GRIK2: variants seen among roughly 807,000 people sequenced by gnomAD.
GRIK2 encodes the protein glutamate ionotropic receptor kainate type subunit 2.
Under a neutral mutation model 100.3 loss-of-function variants are expected in GRIK2, and 32 were observed. The ratio of observed to expected loss-of-function variants is 0.32; its 90% CI spans 0.24 to 0.43. The LOEUF is 0.43. Among genes scored for constraint, GRIK2 ranks in the 20% least tolerant of loss-of-function variants. GRIK2 has a pLI of 1.00. For missense variants in GRIK2, 843 were observed against 1,114.9 expected, an observed-to-expected ratio of 0.76 and a Z score of 3.47; for synonymous variants, 417 against 389.4, an observed-to-expected ratio of 1.07 and a Z score of -0.83.
chr6:101,689,109 G>T (rs1048278662), intron 7 of GRIK2, among the ~76,000 whole-genome samples: 6 of 151,912 alleles, frequency 3.9e-5, no homozygotes, highest in Non-Finnish European at 5.9e-5. Context: ...TTTAGGAAAA[G>T]AAATTAATAA....
chr6:101,742,645 A>C (rs1209846214), intron 7 of GRIK2, among the ~76,000 whole-genome samples: 1 of 152,202 alleles, frequency 6.6e-6, no homozygotes, highest in East Asian at 1.9e-4. Context: ...GATAAATTGA[A>C]ACATTTTTTA....
At chr6:101,677,098 G>T (rs963211061) in intron 5 of GRIK2, among the ~76,000 whole-genome samples, 4 of 151,974 alleles carry the variant, frequency 2.6e-5, no homozygotes, top group African/African-American at 7.2e-5. Flanking sequence ...TTTTTGTTTT[G>T]AAATGAGGGA....
Position 101,753,282 on chromosome 6 carries a change from CAAAAAAA to C in GRIK2, c.952-46352_952-46346del, listed in dbSNP as rs774187168. Reference sequence around the variant, plus strand: ...TGGGCGGCAGAGCGAGACTCCGTCTCAAAAAAAAAAAAAAAAAAAAGAAAATAACACG... The same window carrying C: ...TGGGCGGCAGAGCGAGACTCCGTCTCAAAAAAAAAAAAAGAAAATAACACG... On this transcript the variant is annotated intron_variant, in intron 7 of 16. Coordinates refer to ENST00000369134, the MANE Select transcript of GRIK2 (RefSeq NM_021956.5). Among the ~76,000 whole-genome samples the C allele has an allele frequency of 1.1e-4, 8 of 70,904 alleles. No individual in the cohort carries two copies. The Admixed American group carries it at 1.2e-3, about 10-fold the overall frequency. 46.5% of individuals were successfully genotyped at this position (70,904 alleles called of 152,430 possible).
intron 2 of GRIK2, among the ~76,000 whole-genome samples, chr6:101,615,706 A>G (rs1369946027): frequency 6.6e-6 from 1 of 151,854 alleles, no homozygotes; most frequent in East Asian, 1.9e-4. Context: ...TTCCCAGTAC[A>G]AAATGGATAT....
chr6:101,666,173 A>G (rs186988688), intron 4 of GRIK2, among the ~76,000 whole-genome samples: 3 of 152,288 alleles, frequency 2.0e-5, no homozygotes, highest in African/African-American at 7.2e-5. Context: ...TCATGGATAC[A>G]ATTTATAGCA....
chr6:101,929,373 T>C (rs1790116321), intron 14 of GRIK2, among the ~76,000 whole-genome samples: 1 of 152,208 alleles, frequency 6.6e-6, no homozygotes, highest in Admixed American at 6.5e-5. Context: ...ACCAAGTATT[T>C]TTACAGTTTT....
At chr6:101,780,127 A>G (rs1395037162) in intron 7 of GRIK2, among the ~76,000 whole-genome samples, 1 of 152,194 alleles carries the variant, frequency 6.6e-6, no homozygotes, top group Non-Finnish European at 1.5e-5. Context: ...GCTATAATGT[A>G]TAAGAAAAAG....
At chr6:101,824,734 C>G (rs990939677) in intron 10 of GRIK2, among the ~76,000 whole-genome samples, 2 of 152,158 alleles carry the variant, frequency 1.3e-5, no homozygotes, top group Non-Finnish European at 2.9e-5. Context: ...AACAAATGTA[C>G]TTGCTCCTGA....
At chr6:101,891,099 A>G (rs1051711683) in intron 12 of GRIK2, among the ~76,000 whole-genome samples, 140 of 150,610 alleles carry the variant, frequency 9.3e-4, no homozygotes, top group Non-Finnish European at 1.3e-3. Flanking sequence ...GGTATTTGTA[A>G]ATAATCGAAC....
At chr6:101,739,971 A>C (rs1775917220) in intron 7 of GRIK2, among the ~76,000 whole-genome samples, 1 of 152,062 alleles carries the variant, frequency 6.6e-6, no homozygotes, top group South Asian at 2.1e-4. Context: ...TTGTTTTCGT[A>C]GTTGCTCACC....
At chr6:102,049,971 C>T (rs1209562360) in intron 15 of GRIK2, among the ~76,000 whole-genome samples, 4 of 151,894 alleles carry the variant, frequency 2.6e-5, no homozygotes, top group African/African-American at 7.2e-5. Context: ...GCTGTGCAAC[C>T]TTTAAAGAAA....
chr6:102,024,327 C>CCAAA (rs1769580248), intron 14 of GRIK2, among the ~76,000 whole-genome samples: 1 of 151,054 alleles, frequency 6.6e-6, no homozygotes, highest in Non-Finnish European at 1.5e-5. Flanking sequence ...ATACCTGTAG[C>CCAAA]TTGAAATCAT....
intron 2 of GRIK2, among the ~76,000 whole-genome samples, chr6:101,546,829 T>TC (rs1776260950): frequency 1.1e-5 from 1 of 89,696 alleles, no homozygotes; most frequent in African/African-American, 4.9e-5. Context: ...CTTTTTTTTT[T>TC]TTTTTTTTTT....
At chr6:101,964,288 C>T (rs933028556) in intron 14 of GRIK2, among the ~76,000 whole-genome samples, 6 of 151,602 alleles carry the variant, frequency 4.0e-5, no homozygotes, top group African/African-American at 1.5e-4. Context: ...TATGATATAA[C>T]ATATATGTAT....
intron 12 of GRIK2, among the ~76,000 whole-genome samples, chr6:101,915,420 C>T (rs866199313): frequency 6.0e-5 from 9 of 150,978 alleles, no homozygotes; most frequent in African/African-American, 1.9e-4. Context: ...ATAATAAAAC[C>T]TAAAAGTGAA....
At chr6:101,581,021 CT>C (rs1418846715) in intron 2 of GRIK2, among the ~76,000 whole-genome samples, 1 of 151,858 alleles carries the variant, frequency 6.6e-6, no homozygotes, top group Non-Finnish European at 1.5e-5. Flanking sequence ...TATTTTTCCC[CT>C]GATAGAATGT....
chr6:102,036,337 T>G (rs2114431473), intron 15 of GRIK2, among the ~76,000 whole-genome samples: 1 of 151,418 alleles, frequency 6.6e-6, no homozygotes, highest in Admixed American at 6.6e-5. Flanking sequence ...GTCCATGTCT[T>G]AATCCCCAGA....
intron 15 of GRIK2, among the ~76,000 whole-genome samples, chr6:102,053,976 C>T (rs1262662260): frequency 6.6e-6 from 1 of 152,054 alleles, no homozygotes; most frequent in Non-Finnish European, 1.5e-5. Context: ...AAGAAGAGCA[C>T]AGGGGAGAAA....
intron 9 of GRIK2, among the ~76,000 whole-genome samples, chr6:101,815,431 G>A (rs976989548): frequency 1.3e-5 from 2 of 151,900 alleles, no homozygotes; most frequent in African/African-American, 2.4e-5. Context: ...CATATTTCTT[G>A]TATCTAATTG....
Sources: gnomAD v4.1 joint callset for allele counts (sites outside exome capture counted in the v4.1 genomes callset) on GRCh38, gnomAD v4.1.1 for gene constraint, MANE v1.5 for transcripts, NCBI Gene and HGNC (gene_info 2026-07-23, HGNC 2026-07-21) for gene names.